LRRC4C: variants seen among roughly 807,000 people sequenced by gnomAD.
The protein encoded by LRRC4C is leucine-rich repeat-containing protein 4C.
Under a neutral mutation model 33.6 loss-of-function variants are expected in LRRC4C, and 5 were observed. The ratio of observed to expected loss-of-function variants is 0.15; its 90% CI spans 0.08 to 0.31. LRRC4C has a LOEUF of 0.31. LRRC4C is among the 10% of genes least tolerant of loss of function. The pLI is 1.00. For synonymous variants in LRRC4C, 329 were observed against 302.0 expected, an observed-to-expected ratio of 1.09 and a Z score of -0.93; for missense variants, 560 against 796.7, an observed-to-expected ratio of 0.70 and a Z score of 3.58.
chr11:41,285,841 T>A (rs1949809854), intron 1 of LRRC4C, among the ~76,000 whole-genome samples: 2 of 152,114 alleles, frequency 1.3e-5, no homozygotes, highest in Admixed American at 1.3e-4. Flanking sequence ...TATTTTATTT[T>A]ATTTTTGAGA....
At chr11:41,026,637 G>A (rs576543039) in intron 1 of LRRC4C, among the ~76,000 whole-genome samples, 2 of 150,306 alleles carry the variant, frequency 1.3e-5, no homozygotes, top group Non-Finnish European at 3.0e-5. Flanking sequence ...GTGGCAAATT[G>A]CATTGTTTCT....
intron 1 of LRRC4C, among the ~76,000 whole-genome samples, chr11:41,329,912 G>T (rs1001486103): frequency 6.6e-5 from 10 of 152,172 alleles, no homozygotes; most frequent in Non-Finnish European, 1.2e-4. Flanking sequence ...CACGTGGAAA[G>T]CAGACATATC....
At chr11:40,798,804 C>T (rs977782083) in intron 2 of LRRC4C, among the ~76,000 whole-genome samples, 3 of 151,952 alleles carry the variant, frequency 2.0e-5, no homozygotes, top group African/African-American at 7.3e-5. Context: ...CCACCATACT[C>T]AGCTAGTTTT....
intron 4 of LRRC4C, among the ~76,000 whole-genome samples, chr11:40,301,281 C>A (rs980194359): frequency 6.6e-6 from 1 of 152,090 alleles, no homozygotes; most frequent in Admixed American, 6.5e-5. Flanking sequence ...AAATAGTGAC[C>A]CAATCACTTT....
chr11:40,420,658 C>T (rs551329703), intron 3 of LRRC4C, among the ~76,000 whole-genome samples: 64 of 152,292 alleles, frequency 4.2e-4, no homozygotes, highest in Non-Finnish European at 6.5e-4. Context: ...TAATTCAATG[C>T]TTACTAAATT....
intron 1 of LRRC4C, among the ~76,000 whole-genome samples, chr11:41,201,924 AC>A (rs1555109031): frequency 1.3e-3 from 1 of 750 alleles, no homozygotes; most frequent in Non-Finnish European, 3.3e-3. Flanking sequence ...ACACACAAAC[AC>A]ACACACACAC....
At chr11:41,372,912 CT>C (rs1204981443) in intron 1 of LRRC4C, among the ~76,000 whole-genome samples, 1 of 151,774 alleles carries the variant, frequency 6.6e-6, no homozygotes, top group Non-Finnish European at 1.5e-5. Flanking sequence ...GGACCTAGTT[CT>C]CAAATTAGTT....
intron 3 of LRRC4C, among the ~76,000 whole-genome samples, chr11:40,628,071 A>T (rs556372752): frequency 6.6e-6 from 1 of 152,354 alleles, no homozygotes. Flanking sequence ...GTAAGATTTT[A>T]AAATGGAAAC....
chr11:41,248,139 ATC>A (rs1195719166), intron 1 of LRRC4C, among the ~76,000 whole-genome samples: 5 of 152,170 alleles, frequency 3.3e-5, no homozygotes, highest in African/African-American at 7.2e-5. Context: ...TTAACAAATT[ATC>A]TCTTTTTTGA....
chr11:40,978,241 T>C (rs542481177), intron 1 of LRRC4C, among the ~76,000 whole-genome samples: 1 of 152,192 alleles, frequency 6.6e-6, no homozygotes, highest in Non-Finnish European at 1.5e-5. Flanking sequence ...GCAAATCTTA[T>C]CACATTACTC....
chr11:40,874,787 G>A (rs1419767936), intron 2 of LRRC4C, among the ~76,000 whole-genome samples: 1 of 152,174 alleles, frequency 6.6e-6, no homozygotes, highest in African/African-American at 2.4e-5. Flanking sequence ...TAGCCTTGCA[G>A]CAACATAGTA....
intron 3 of LRRC4C, among the ~76,000 whole-genome samples, chr11:40,414,585 G>C (rs1950259238): frequency 6.6e-6 from 1 of 152,012 alleles, no homozygotes. Flanking sequence ...ACAAAAGAAA[G>C]TAAATAGCAG....
intron 1 of LRRC4C, among the ~76,000 whole-genome samples, chr11:41,052,351 T>G (rs1268304523): frequency 6.6e-6 from 1 of 151,986 alleles, no homozygotes; most frequent in Non-Finnish European, 1.5e-5. Flanking sequence ...TAATCTTTCC[T>G]CAGTTGCAGT....
intron 1 of LRRC4C, among the ~76,000 whole-genome samples, chr11:41,338,723 TA>T (rs1201291759): frequency 2.0e-5 from 3 of 151,934 alleles, no homozygotes; most frequent in East Asian, 3.9e-4. Context: ...AAATTAAAAT[TA>T]AAAAATAAAT....
In LRRC4C at chr11:41,097,984, C is replaced by T. The variant is rs2135588149; in HGVS notation, c.-495-164261G>A. On this transcript the variant is annotated intron_variant, in intron 1 of 6. Coordinates refer to ENST00000528697, the MANE Select transcript of LRRC4C (RefSeq NM_001258419.2). The stretch of plus-strand genomic sequence containing the variant: ...CTCATTGCTTTCCTCCGTCTGTGTC[C>T]CTATATTTCCATTAAAAAAAATTCC... Among the ~76,000 whole-genome samples, 2 of 150,984 alleles carry T rather than the reference C, an allele frequency of 1.3e-5. 1 individual carries two copies. Among genetic ancestry groups the T allele is most frequent in the South Asian group, 4.2e-4 (2 of 4,810 alleles).
chr11:41,055,396 C>G (rs921008160), intron 1 of LRRC4C, among the ~76,000 whole-genome samples: 1 of 152,082 alleles, frequency 6.6e-6, no homozygotes, highest in Non-Finnish European at 1.5e-5. Flanking sequence ...GTATGGTCAG[C>G]CTTAGTGGAG....
chr11:41,012,131 T>G (rs970961029), intron 1 of LRRC4C, among the ~76,000 whole-genome samples: 2 of 152,108 alleles, frequency 1.3e-5, no homozygotes, highest in African/African-American at 4.8e-5. Context: ...TACAATAGAT[T>G]ACTGTAAACT....
At chr11:40,625,913 C>T (rs987389099) in intron 3 of LRRC4C, among the ~76,000 whole-genome samples, 1 of 152,134 alleles carries the variant, frequency 6.6e-6, no homozygotes, top group African/African-American at 2.4e-5. Context: ...TCCTCTTCCT[C>T]TCACCAAGTC....
intron 3 of LRRC4C, among the ~76,000 whole-genome samples, chr11:40,495,827 T>TTTTTTG (rs1954416137): frequency 2.2e-5 from 1 of 45,040 alleles, no homozygotes; most frequent in African/African-American, 7.3e-5. Flanking sequence ...TTTTTTTTTT[T>TTTTTTG]TTTTTTTTTT....
Sources: allele counts gnomAD v4.1 joint callset (sites outside exome capture counted in the v4.1 genomes callset), GRCh38; gene constraint gnomAD v4.1.1; transcripts MANE v1.5; gene names NCBI Gene and HGNC (gene_info 2026-07-23, HGNC 2026-07-21).